The following SLC26A2 variants were observed in gnomAD, a reference collection of about 807,000 sequenced individuals.
SLC26A2 encodes solute carrier family 26 member 2, also known as sulfate transporter.
A neutral mutation model predicts 41.1 loss-of-function variants in SLC26A2; 36 were observed. The ratio of observed to expected loss-of-function variants is 0.88; its 90% CI spans 0.67 to 1.16. SLC26A2 has a LOEUF of 1.16. Ranked by LOEUF, SLC26A2 falls within the 50% of genes most tolerant of loss-of-function variation. SLC26A2 has a pLI of 0.00. For synonymous variants in SLC26A2, 291 were observed against 311.6 expected (o/e 0.93, Z 0.70); for missense variants, 796 against 869.6 (o/e 0.92, Z 1.07).
Position 149,980,461 on chromosome 5 carries a change from TG to T in SLC26A2, c.870del (p.Trp290Ter), listed in dbSNP as rs1225601391. 6.2e-7 allele frequency: 1 copy of T among 1,614,168 alleles called. No individual in the cohort carries two copies. Among genetic ancestry groups the T allele is most frequent in the East Asian group, 2.2e-5 (1 of 44,874 alleles). On this transcript the variant is annotated frameshift_variant, in exon 3 of 3. Coordinates refer to ENST00000286298, the MANE Select transcript of SLC26A2 (RefSeq NM_000112.4). LOFTEE classifies it high-confidence loss of function. ...TGGTGTGGGCTCACTCATCACTACC[TG>T]GATACATGTCTTCAGAAACATCCAT... ...TNGVGSLITT[W>X]IHVFRNIHKT...
At position 149,986,724 on chromosome 5, in the gene SLC26A2, A is replaced by G. The variant is rs1340437628; in HGVS notation, c.*4911A>G. 1 of 152,236 alleles carries G rather than the reference A, an allele frequency of 6.6e-6. No homozygotes were observed. The highest frequency in any genetic ancestry group is 1.5e-5 in the Non-Finnish European group (1 of 68,052). 9.4% of individuals were successfully genotyped at this position (152,236 alleles called of 1,614,324 possible). ...GAAGGACACTAAATGCCTTTATTGT[A>G]GATACTATGTTTGTAAGTCTATAGC... On this transcript the variant is annotated 3_prime_UTR_variant, in exon 3 of 3. Coordinates refer to ENST00000286298, the MANE Select transcript of SLC26A2 (RefSeq NM_000112.4).
intron 1 of SLC26A2, chr5:149,961,932 G>C (rs1754714344): frequency 6.6e-6 from 1 of 152,202 alleles, no homozygotes; most frequent in South Asian, 2.1e-4. Flanking sequence ...CAGGCACTGT[G>C]GTAGGTAGTT....
intron 1 of SLC26A2, among the ~76,000 whole-genome samples, chr5:149,973,041 G>C (rs948184133): frequency 6.6e-6 from 1 of 151,982 alleles, no homozygotes; most frequent in African/African-American, 2.4e-5. Flanking sequence ...ACAGTTTGCT[G>C]GGCATGGTGG....
chr5:149,971,387 T>C (rs929918200), intron 1 of SLC26A2, among the ~76,000 whole-genome samples: 16 of 152,224 alleles, frequency 1.1e-4, no homozygotes, highest in African/African-American at 3.6e-4. Context: ...CTGTTTATAG[T>C]TTAGTTTTCT....
At position 149,981,673 on chromosome 5, in the gene SLC26A2, C is replaced by G; in HGVS notation, c.2080C>G (p.Leu694Val). 6.2e-7 allele frequency: 1 copy of G among 1,613,310 alleles called. No homozygotes were observed. The highest frequency in any genetic ancestry group is 2.2e-5 in the East Asian group (1 of 44,874). ...GTGCAATCCCACTGTGAGGGATTCC[C>G]TAACCAACGGAGAATATTGCAAAAA... ...AQCNPTVRDS[L>V]TNGEYCKKEE... The change falls in exon 3 of 3, where the codon CTA becomes GTA. Residue 694 changes from leucine (L) to valine (V), a missense_variant. Transcript: ENST00000286298.
intron 1 of SLC26A2, among the ~76,000 whole-genome samples, chr5:149,975,329 C>A (rs1044569714): frequency 6.6e-6 from 1 of 152,146 alleles, no homozygotes; most frequent in Non-Finnish European, 1.5e-5. Flanking sequence ...TTTTTTCTTA[C>A]AGTTTCCATT....
chr5:149,978,952 A>G (rs1224289253), intron 2 of SLC26A2, among the ~76,000 whole-genome samples: 1 of 151,942 alleles, frequency 6.6e-6, no homozygotes, highest in Non-Finnish European at 1.5e-5. Flanking sequence ...TCCTGAGCTC[A>G]AGCAATCCTC....
intron 1 of SLC26A2, among the ~76,000 whole-genome samples, chr5:149,965,745 G>A (rs931456436): frequency 1.3e-5 from 2 of 151,842 alleles, no homozygotes; most frequent in Non-Finnish European, 2.9e-5. Context: ...TTTTTAGGTC[G>A]ACTCTAGTTT....
intron 1 of SLC26A2, among the ~76,000 whole-genome samples, chr5:149,961,194 C>CGTCT (rs1754697026): frequency 6.6e-6 from 1 of 152,218 alleles, no homozygotes; most frequent in African/African-American, 2.4e-5. Context: ...CGGGCCTGCC[C>CGTCT]GTCTGGCTGG....
At chr5:149,963,082 ATATTTATTTATTTATTTATT>A (rs141212500) in intron 1 of SLC26A2, among the ~76,000 whole-genome samples, 1 of 138,052 alleles carries the variant, frequency 7.2e-6, no homozygotes, top group Admixed American at 7.3e-5. Context: ...CAGTGGTGCT[ATATTTATTTATTTATTTATT>A]TATTTATTTA....
chr5:149,962,512 T>C (rs1754730121), intron 1 of SLC26A2, among the ~76,000 whole-genome samples: 1 of 152,096 alleles, frequency 6.6e-6, no homozygotes, highest in South Asian at 2.1e-4. Flanking sequence ...CTAGTTTTTG[T>C]AGTTTTTGTA....
Position 149,981,162 on chromosome 5 carries a change from A to G in SLC26A2, c.1569A>G (p.Ala523=). The change falls in exon 3 of 3, where the codon GCA becomes GCG. Residue 523 remains alanine, a synonymous_variant. Coordinates refer to ENST00000286298, the MANE Select transcript of SLC26A2 (RefSeq NM_000112.4). Reference sequence around the variant, plus strand: ...GGTTTGTTACTATGCTGTCCTCTGCACTGCTAAGTACTGAAATAGGCCTAC... The same window carrying G: ...GGTTTGTTACTATGCTGTCCTCTGCGCTGCTAAGTACTGAAATAGGCCTAC... The part of the protein sequence containing the change: ...VIWFVTMLSS[A]LLSTEIGLLV... 3 of 1,614,174 alleles carry G rather than the reference A, an allele frequency of 1.9e-6. No individual in the cohort carries two copies. Among genetic ancestry groups the G allele is most frequent in the Non-Finnish European group, 2.5e-6 (3 of 1,180,024 alleles).
rs2113700212 is a variant in SLC26A2, at chr5:149,982,137, G to A, written c.*324G>A. The A allele has an allele frequency of 4.0e-6, 1 of 249,740 alleles. No homozygotes were observed. Among genetic ancestry groups the A allele is most frequent in the Non-Finnish European group, 7.6e-6 (1 of 130,756 alleles). The allele number at this position is 249,740 out of a possible 1,614,324, so 15.5% of individuals were successfully genotyped here. A position where few individuals can be genotyped will look rare whatever the true frequency, so the allele number is the denominator to read the frequency against. On this transcript the variant is annotated 3_prime_UTR_variant, in exon 3 of 3. Transcript: ENST00000286298. ...TCCTGTTTTAGGGGTTATACATTTG[G>A]ACTGTGCATTCTCCAAGAGATGAAG...
chr5:149,977,090 C>T (rs972303312), intron 1 of SLC26A2, among the ~76,000 whole-genome samples: 20 of 152,222 alleles, frequency 1.3e-4, no homozygotes, highest in African/African-American at 4.1e-4. Context: ...TATCTTTACC[C>T]TACAACCTAC....
chr5:149,966,267 A>G (rs1561812125), intron 1 of SLC26A2, among the ~76,000 whole-genome samples: 1 of 152,304 alleles, frequency 6.6e-6, no homozygotes, highest in East Asian at 1.9e-4. Flanking sequence ...GTCTAGCTCT[A>G]AAGTCCTGTA....
intron 1 of SLC26A2, among the ~76,000 whole-genome samples, chr5:149,966,088 A>G (rs1235099655): frequency 6.6e-6 from 1 of 152,274 alleles, no homozygotes. Flanking sequence ...GATTTTTAGT[A>G]GAGATAGAAT....
At position 149,977,543 on chromosome 5, in the gene SLC26A2, T is replaced by C; in HGVS notation, c.-25-85T>C. On this transcript the variant is annotated intron_variant, in intron 1 of 2. Coordinates refer to ENST00000286298, the MANE Select transcript of SLC26A2 (RefSeq NM_000112.4). Reference sequence around the variant, plus strand: ...TCCAAAACTGAATTCCTTTTAACTCTCATGAAATGACAAATAGAATTGTTA... The same window carrying C: ...TCCAAAACTGAATTCCTTTTAACTCCCATGAAATGACAAATAGAATTGTTA... 5.1e-6 allele frequency: 4 copies of C among 785,606 alleles called. No individual in the cohort carries two copies. The South Asian group carries it at 5.8e-5, about 11-fold the overall frequency. 48.7% of individuals were successfully genotyped at this position (785,606 alleles called of 1,614,324 possible). A position where few individuals can be genotyped will look rare whatever the true frequency, so the allele number is the denominator to read the frequency against.
Position 149,981,906 on chromosome 5 carries a change from T to A in SLC26A2, c.*93T>A. 1.1e-6 allele frequency: 1 copy of A among 941,742 alleles called. No homozygotes were observed. Among genetic ancestry groups the A allele is most frequent in the Non-Finnish European group, 1.6e-6 (1 of 612,936 alleles). 58.3% of individuals were successfully genotyped at this position (941,742 alleles called of 1,614,324 possible). A position where few individuals can be genotyped will look rare whatever the true frequency, so the allele number is the denominator to read the frequency against. Reference sequence around the variant, plus strand: ...TCCACAGTGGGAAATTTTGCACACTTGAAATTTTAACCAAGTGGCTAGATA... The same window carrying A: ...TCCACAGTGGGAAATTTTGCACACTAGAAATTTTAACCAAGTGGCTAGATA... On this transcript the variant is annotated 3_prime_UTR_variant, in exon 3 of 3. Transcript: ENST00000286298.
Position 149,977,914 on chromosome 5 carries a change from AT to A in SLC26A2, c.263del (p.Met88ArgfsTer3). On this transcript the variant is annotated frameshift_variant, in exon 2 of 3. Transcript: ENST00000286298. LOFTEE classifies it high-confidence loss of function. Reference sequence around the variant, plus strand: ...GTGCAGTCCAGCCAAAGCCAAAAATATGATTTTAGGTTTCCTTCCTGTTTTG... The same window carrying A: ...GTGCAGTCCAGCCAAAGCCAAAAATAGATTTTAGGTTTCCTTCCTGTTTTG... Reference protein sequence around the residue: ...CQCSPAKAKNMILGFLPVLQW... With the variant: ...CQCSPAKAKNXILGFLPVLQW... 1 of 1,614,230 alleles carries A rather than the reference AT, an allele frequency of 6.2e-7. No homozygotes were observed. Among genetic ancestry groups the A allele is most frequent in the Non-Finnish European group, 8.5e-7 (1 of 1,180,022 alleles).
Sources: gnomAD v4.1 joint callset for allele counts (sites outside exome capture counted in the v4.1 genomes callset) on GRCh38, gnomAD v4.1.1 for gene constraint, MANE v1.5 for transcripts, NCBI Gene and HGNC (gene_info 2026-07-23, HGNC 2026-07-21) for gene names.